Variants in TMEM242 observed in about 807,000 individuals in gnomAD.
TMEM242 encodes the protein transmembrane protein 242, also known as UPF0463 transmembrane protein C6orf35.
TMEM242 carries 10 observed loss-of-function variants against 18.2 expected under a neutral mutation model. The ratio of observed to expected loss-of-function variants is 0.55; its 90% CI spans 0.34 to 0.93. TMEM242 has a LOEUF of 0.93. Among genes scored for constraint, TMEM242 ranks in the 40% least tolerant of loss-of-function variants. The probability of loss-of-function intolerance (pLI) is 0.02; values close to 1 mark genes in which losing one functional copy is unlikely to be tolerated. For synonymous variants in TMEM242, 57 were observed against 69.9 expected, an observed-to-expected ratio of 0.81 and a Z score of 0.92; for missense variants, 186 against 175.5, an observed-to-expected ratio of 1.06 and a Z score of -0.34.
Position 157,323,386 on chromosome 6 carries a change from C to CCGCACCTCACCACAGCA in TMEM242, c.88+9_88+25dup, listed in dbSNP as rs781946887. On this transcript the variant is annotated intron_variant, in intron 1 of 3. Coordinates refer to ENST00000400788, the MANE Select transcript of TMEM242 (RefSeq NM_018452.6). The stretch of plus-strand genomic sequence containing the variant: ...GTCCGGGGTTAACTCACCCCGACGC[C>CCGCACCTCACCACAGCA]CGCACCTCACCACAGCACATCTTAC... 5 of 1,610,766 alleles carry CCGCACCTCACCACAGCA rather than the reference C, an allele frequency of 3.1e-6. No homozygotes were observed. The South Asian group carries it at 5.5e-5, about 18-fold the overall frequency.
chr6:157,291,365 C>G lies in TMEM242; in HGVS notation c.*1536G>C, dbSNP rs1234657837. Reference sequence around the variant, plus strand: ...CAAGGTTTGAGGGCCATCTCATGCACGTTGGAAACCCACATTTATGAAGCA... The same window carrying G: ...CAAGGTTTGAGGGCCATCTCATGCAGGTTGGAAACCCACATTTATGAAGCA... On this transcript the variant is annotated 3_prime_UTR_variant, in exon 4 of 4. Transcript: ENST00000400788. The G allele has an allele frequency of 6.6e-6, 1 of 152,222 alleles. No homozygotes were observed. Among genetic ancestry groups the G allele is most frequent in the Non-Finnish European group, 1.5e-5 (1 of 68,038 alleles). The allele number at this position is 152,222 out of a possible 1,614,324, so 9.4% of individuals were successfully genotyped here.
chr6:157,299,639 A>G, intron 3 of TMEM242: 1 of 1,608,720 alleles, frequency 6.2e-7, no homozygotes, highest in Non-Finnish European at 8.5e-7. Flanking sequence ...GTACTGGACA[A>G]TACCGGAAAT....
chr6:157,312,065 C>A (rs1778148952), intron 3 of TMEM242, among the ~76,000 whole-genome samples: 1 of 103,898 alleles, frequency 9.6e-6, no homozygotes, highest in Non-Finnish European at 1.9e-5. Context: ...TCCCAGTGTG[C>A]GCTCACCTAG....
At chr6:157,299,307 G>T in intron 3 of TMEM242, 1 of 819,426 alleles carries the variant, frequency 1.2e-6, no homozygotes, top group South Asian at 1.3e-5. Context: ...ATAGGCACTA[G>T]CAATCACTTG....
chr6:157,299,604 C>A, intron 3 of TMEM242: 1 of 1,594,366 alleles, frequency 6.3e-7, no homozygotes. Flanking sequence ...GGATTGGAAA[C>A]AATAATCAGC....
chr6:157,293,745 A>AT lies in TMEM242; in HGVS notation c.328-747dup, dbSNP rs1212858515. Reference sequence around the variant, plus strand: ...CAGAGTCACAGCAAGGGAACAAGAGATTTTTTTTTCTTTTTTTGAGGCAGT... The same window carrying AT: ...CAGAGTCACAGCAAGGGAACAAGAGATTTTTTTTTTCTTTTTTTGAGGCAGT... On this transcript the variant is annotated intron_variant, in intron 3 of 3. Coordinates refer to ENST00000400788, the MANE Select transcript of TMEM242 (RefSeq NM_018452.6). 3.1e-4 allele frequency among the ~76,000 whole-genome samples: 47 copies of AT among 151,128 alleles called. 1 individual carries two copies. Among genetic ancestry groups the AT allele is most frequent in the African/African-American group, 8.5e-4 (35 of 41,166 alleles).
chr6:157,317,320 C>A (rs148278529), intron 3 of TMEM242, among the ~76,000 whole-genome samples: 2 of 152,254 alleles, frequency 1.3e-5, no homozygotes, highest in East Asian at 3.9e-4. Flanking sequence ...CCGGGTGAAT[C>A]ATCAGTCCTC....
intron 3 of TMEM242, among the ~76,000 whole-genome samples, chr6:157,313,962 C>T (rs182803042): frequency 1.3e-5 from 2 of 150,164 alleles, no homozygotes; most frequent in East Asian, 2.0e-4. Context: ...TCCCAGTGTC[C>T]GCTCACCTGG....
intron 1 of TMEM242, 25 bp from the exon 2 acceptor site, chr6:157,322,830 G>A (rs1554250828): frequency 6.3e-7 from 1 of 1,578,130 alleles, no homozygotes; most frequent in Non-Finnish European, 8.7e-7. Flanking sequence ...GGGGAGGAGG[G>A]GGGATATTAA....
intron 3 of TMEM242, 106 bp downstream of exon 3, chr6:157,318,676 G>A (rs1419822175): frequency 2.2e-6 from 3 of 1,391,302 alleles, no homozygotes; most frequent in African/African-American, 2.9e-5. Context: ...CATCTCCCTA[G>A]ACAGTGACCA....
intron 3 of TMEM242, among the ~76,000 whole-genome samples, chr6:157,307,505 A>G (rs1181028392): frequency 6.6e-6 from 1 of 152,182 alleles, no homozygotes; most frequent in Non-Finnish European, 1.5e-5. Context: ...AAAAAAGTAC[A>G]TTGGTCATTA....
At chr6:157,302,715 C>T (rs1777847290) in intron 3 of TMEM242, among the ~76,000 whole-genome samples, 1 of 152,222 alleles carries the variant, frequency 6.6e-6, no homozygotes. Context: ...AGCTAGACAG[C>T]TCCCTAGTGA....
intron 2 of TMEM242, among the ~76,000 whole-genome samples, chr6:157,320,989 T>C (rs1194437389): frequency 1.3e-5 from 2 of 151,052 alleles, no homozygotes; most frequent in African/African-American, 4.9e-5. Context: ...ATGTATTTAT[T>C]TCCCATTTCT....
intron 3 of TMEM242, among the ~76,000 whole-genome samples, chr6:157,311,224 A>G (rs797037773): frequency 3.6e-3 from 42 of 11,738 alleles, no homozygotes; most frequent in East Asian, 6.2e-3. Flanking sequence ...GCGCTCACCT[A>G]GCCTCATCAT....
chr6:157,312,907 T>A (rs1554249507), intron 3 of TMEM242, among the ~76,000 whole-genome samples: 2 of 152,156 alleles, frequency 1.3e-5, no homozygotes, highest in African/African-American at 2.4e-5. Flanking sequence ...TGTCCCACTG[T>A]GCGCTCACCC....
At chr6:157,318,688 A>T in intron 3 of TMEM242, 94 bp downstream of exon 3, 1 of 1,522,626 alleles carries the variant, frequency 6.6e-7, no homozygotes, top group Non-Finnish European at 9.0e-7. Flanking sequence ...CAGTGACCAA[A>T]CTACATGCAA....
At chr6:157,319,608 A>G (rs1778461283) in intron 2 of TMEM242, among the ~76,000 whole-genome samples, 1 of 152,234 alleles carries the variant, frequency 6.6e-6, no homozygotes. Flanking sequence ...GTTGTTTTGC[A>G]TGACACACAG....
intron 3 of TMEM242, among the ~76,000 whole-genome samples, chr6:157,313,159 C>T (rs1583571073): frequency 1.4e-5 from 2 of 147,134 alleles, no homozygotes; most frequent in African/African-American, 5.0e-5. Context: ...CTCACCTGGC[C>T]TCATCATAGT....
Position 157,313,323 on chromosome 6 carries a change from C to T in TMEM242, c.327+5459G>A, listed in dbSNP as rs1391633175. Among the ~76,000 whole-genome samples, 17 of 147,084 alleles carry T rather than the reference C, an allele frequency of 1.2e-4. 2 individuals carry two copies. The highest frequency in any genetic ancestry group is 8.3e-4 in the Admixed American group (12 of 14,472). ...ATCATAGTGTCCCAGTGTGCGCTCACCTGGCCTCATCATAGTGCCCCAGTG... is the reference window on the plus strand; with the variant it reads ...ATCATAGTGTCCCAGTGTGCGCTCATCTGGCCTCATCATAGTGCCCCAGTG... On this transcript the variant is annotated intron_variant, in intron 3 of 3. Coordinates refer to ENST00000400788, the MANE Select transcript of TMEM242 (RefSeq NM_018452.6).
Sources: gnomAD v4.1 joint callset for allele counts (sites outside exome capture counted in the v4.1 genomes callset) on GRCh38, gnomAD v4.1.1 for gene constraint, MANE v1.5 for transcripts, NCBI Gene and HGNC (gene_info 2026-07-23, HGNC 2026-07-21) for gene names.